Variants in SGCD observed in about 807,000 individuals in gnomAD.
SGCD encodes delta-sarcoglycan.
In SGCD, 18 loss-of-function variants were observed where a neutral mutation model predicts 36.6. The observed-to-expected ratio is 0.49, with a 90% CI of 0.34 to 0.73. The LOEUF (loss-of-function observed/expected upper bound fraction) is 0.73. Ranked by LOEUF, SGCD falls within the 30% of genes least tolerant of loss-of-function variation. SGCD has a pLI of 0.01. For synonymous variants in SGCD, 133 were observed against 130.6 expected, an observed-to-expected ratio of 1.02 and a Z score of -0.12; for missense variants, 387 against 346.7, an observed-to-expected ratio of 1.12 and a Z score of -0.92.
At chr5:156,746,532 C>A (rs906079368) in intron 7 of SGCD, among the ~76,000 whole-genome samples, 2 of 152,138 alleles carry the variant, frequency 1.3e-5, no homozygotes, top group Admixed American at 1.3e-4. Flanking sequence ...AGGTAGTATC[C>A]TGAGGCCAGA....
intron 7 of SGCD, among the ~76,000 whole-genome samples, chr5:156,685,593 C>T (rs75107183): frequency 0.01 from 1,565 of 152,270 alleles, 24 homozygotes; most frequent in East Asian, 0.046. Flanking sequence ...TCCACAGAAC[C>T]TCCAGCTTGC....
chr5:156,695,542 TAGATAGATAGATAGATAGATA>T (rs1561862073), intron 7 of SGCD, among the ~76,000 whole-genome samples: 14 of 144,038 alleles, frequency 9.7e-5, no homozygotes, highest in African/African-American at 4.1e-4. Flanking sequence ...GATAGATAGA[TAGATAGATAGATAGATAGATA>T]GATAGATATC....
the SGCD span, among the ~76,000 whole-genome samples, chr5:155,847,725 C>T: frequency 6.6e-5 from 10 of 152,256 alleles, no homozygotes; most frequent in Non-Finnish European, 1.0e-4. Context: ...ATAGAGAAGA[C>T]GGTCCAGCCA....
chr5:156,107,194 G>C (rs1199581255), intron 1 of SGCD, among the ~76,000 whole-genome samples: 1 of 152,112 alleles, frequency 6.6e-6, no homozygotes, highest in East Asian at 1.9e-4. Context: ...CGGCAATTAT[G>C]ACTAATTTCT....
intron 7 of SGCD, among the ~76,000 whole-genome samples, chr5:156,706,380 G>A (rs868397252): frequency 1.3e-5 from 2 of 152,136 alleles, no homozygotes; most frequent in African/African-American, 4.8e-5. Context: ...CACAATGCTT[G>A]TATTTCCCCT....
intron 3 of SGCD, among the ~76,000 whole-genome samples, chr5:156,179,216 G>GT (rs1424021590): frequency 6.6e-6 from 1 of 151,716 alleles, no homozygotes; most frequent in Non-Finnish European, 1.5e-5. Flanking sequence ...TATACATATA[G>GT]TTTTTTTCTT....
At chr5:156,048,275 A>G (rs550648379) in intron 1 of SGCD, among the ~76,000 whole-genome samples, 7 of 152,312 alleles carry the variant, frequency 4.6e-5, no homozygotes, top group African/African-American at 1.4e-4. Context: ...TAGTGCCGCA[A>G]TAAACATACG....
intron 6 of SGCD, among the ~76,000 whole-genome samples, chr5:156,645,987 C>T (rs1763209374): frequency 6.6e-6 from 1 of 152,098 alleles, no homozygotes. Flanking sequence ...ACTATCAACA[C>T]ACTTTCTTTT....
chr5:155,821,224 C>T, the SGCD span, among the ~76,000 whole-genome samples: 3 of 152,118 alleles, frequency 2.0e-5, no homozygotes, highest in South Asian at 6.2e-4. Context: ...TTCTCTTTGA[C>T]CCAGTTATTT....
rs2127650217 is a variant in SGCD at position 156,229,283 on chromosome 5, TATATATATATATATATAA to T, written c.-43-100249_-43-100232del. Among the ~76,000 whole-genome samples, 2 of 103,588 alleles carry T rather than the reference TATATATATATATATATAA, an allele frequency of 1.9e-5. 1 individual carries two copies. Among genetic ancestry groups the T allele is most frequent in the African/African-American group, 8.8e-5 (2 of 22,748 alleles). 68.0% of individuals were successfully genotyped at this position (103,588 alleles called of 152,430 possible). A position where few individuals can be genotyped will look rare whatever the true frequency, so the allele number is the denominator to read the frequency against. ...ATACATATATATATACATACATATA[TATATATATATATATATAA>T]AATTAGTTCTTCCATTGGTTCTTCC... On this transcript the variant is annotated intron_variant, in intron 3 of 9. Transcript: ENST00000517913.
At chr5:155,857,332 T>C in the SGCD span, among the ~76,000 whole-genome samples, 1 of 152,196 alleles carries the variant, frequency 6.6e-6, no homozygotes, top group Non-Finnish European at 1.5e-5. Flanking sequence ...TATTTGTCAA[T>C]ATAAAGAGTT....
chr5:156,140,103 A>G (rs1438774481), intron 3 of SGCD, among the ~76,000 whole-genome samples: 1 of 152,190 alleles, frequency 6.6e-6, no homozygotes, highest in Non-Finnish European at 1.5e-5. Context: ...GTCAGACATA[A>G]ATTTCTGTTT....
the SGCD span, among the ~76,000 whole-genome samples, chr5:155,774,950 C>T: frequency 2.6e-5 from 4 of 152,114 alleles, no homozygotes; most frequent in African/African-American, 9.7e-5. Context: ...ATTGATGCTG[C>T]ACACATTTCA....
chr5:156,649,836 A>G (rs1332822579), intron 7 of SGCD, among the ~76,000 whole-genome samples: 1 of 152,118 alleles, frequency 6.6e-6, no homozygotes. Context: ...CGTTGTGCAC[A>G]TGTACCCTAA....
chr5:156,596,811 C>A (rs1760942487), intron 6 of SGCD, among the ~76,000 whole-genome samples: 1 of 152,080 alleles, frequency 6.6e-6, no homozygotes, highest in Non-Finnish European at 1.5e-5. Flanking sequence ...ATCTTGAATG[C>A]CTATCATGGT....
intron 3 of SGCD, among the ~76,000 whole-genome samples, chr5:156,204,928 G>T (rs1206861915): frequency 1.3e-5 from 2 of 152,032 alleles, no homozygotes; most frequent in African/African-American, 4.8e-5. Context: ...CTACAACCGT[G>T]ATCTCAAAAG....
the SGCD span, among the ~76,000 whole-genome samples, chr5:155,800,592 T>TA: frequency 6.6e-6 from 1 of 151,776 alleles, no homozygotes; most frequent in African/African-American, 2.4e-5. Flanking sequence ...ATAACATTTT[T>TA]TTTTCATCTT....
intron 6 of SGCD, among the ~76,000 whole-genome samples, chr5:156,609,616 C>T (rs1449938409): frequency 6.6e-6 from 1 of 152,184 alleles, no homozygotes; most frequent in East Asian, 1.9e-4. Context: ...GGGAAGTTCT[C>T]CTGGATAATA....
Position 156,760,488 on chromosome 5 carries a change from A to AT in SGCD, c.*1104dup, listed in dbSNP as rs1378736514. On this transcript the variant is annotated 3_prime_UTR_variant, in exon 9 of 9. Coordinates refer to ENST00000337851, the MANE Select transcript of SGCD (RefSeq NM_000337.6). ...CTCTCTGACTTTGTTCTTCTTATAT[A>AT]TTTTTTCAGTGCCGGGATATTCATA... is the stretch of plus-strand genomic sequence containing the variant. The AT allele has an allele frequency of 2.0e-5, 3 of 152,092 alleles. No individual in the cohort carries two copies. The highest frequency in any genetic ancestry group is 6.5e-5 in the Admixed American group (1 of 15,270). The allele number at this position is 152,092 out of a possible 1,614,324, so 9.4% of individuals were successfully genotyped here.
Sources: allele counts gnomAD v4.1 joint callset (sites outside exome capture counted in the v4.1 genomes callset), GRCh38; gene constraint gnomAD v4.1.1; transcripts MANE v1.5; gene names NCBI Gene and HGNC (gene_info 2026-07-23, HGNC 2026-07-21).